The following TOPAZ1 variants were observed in gnomAD, a reference collection of about 807,000 sequenced individuals.
The protein encoded by TOPAZ1 is protein TOPAZ1.
In TOPAZ1, 66 loss-of-function variants were observed where a neutral mutation model predicts 172.2. That is an observed-to-expected ratio of 0.38 (90% confidence interval 0.31 to 0.47). The LOEUF (loss-of-function observed/expected upper bound fraction) is 0.47. TOPAZ1 is among the 20% of genes least tolerant of loss of function. TOPAZ1 has a pLI of 0.99. For missense variants in TOPAZ1, 1,822 were observed against 1,972.4 expected, an observed-to-expected ratio of 0.92 and a Z score of 1.44; for synonymous variants, 681 against 683.9, an observed-to-expected ratio of 1.00 and a Z score of 0.07.
chr3:44,247,275 T>C (rs1575704057), intron 2 of TOPAZ1, among the ~76,000 whole-genome samples: 2 of 152,270 alleles, frequency 1.3e-5, no homozygotes, highest in South Asian at 4.1e-4. Context: ...GGCAGAGAAA[T>C]CAAAGTGGAA....
In TOPAZ1 at chr3:44,242,083, G is replaced by T; in HGVS notation, c.30G>T (p.Thr10=). Residue 10 remains threonine, a synonymous_variant, in exon 1 of 20, where the codon ACG becomes ACT. Coordinates refer to ENST00000309765, the MANE Select transcript of TOPAZ1 (RefSeq NM_001145030.2). MRRPPPLGP[T]TASGPEGNVR... is the part of the protein sequence containing the mutation. ...GACGACCTCCACCCCTGGGCCCCAC[G>T]ACGGCCTCAGGGCCTGAAGGCAATG... 2.6e-5 allele frequency: 40 copies of T among 1,546,798 alleles called. No individual in the cohort carries two copies. The highest frequency in any genetic ancestry group is 3.5e-5 in the Non-Finnish European group (40 of 1,146,410).
intron 5 of TOPAZ1, among the ~76,000 whole-genome samples, chr3:44,263,167 A>AT (rs1699793386): frequency 6.6e-6 from 1 of 152,242 alleles, no homozygotes; most frequent in Non-Finnish European, 1.5e-5. Context: ...CTCAAGTTTG[A>AT]GAACTGTGTT....
Position 44,243,309 on chromosome 3 carries a change from T to C in TOPAZ1, c.803T>C (p.Leu268Pro). 1 of 1,551,540 alleles carries C rather than the reference T, an allele frequency of 6.4e-7. No individual in the cohort carries two copies. The highest frequency in any genetic ancestry group is 8.7e-7 in the Non-Finnish European group (1 of 1,146,944). The change falls in exon 2 of 20, where the codon CTT becomes CCT. Residue 268 changes from leucine (L) to proline (P), a missense_variant. Physicochemically the swap from Leu to Pro is moderately conservative, Grantham distance 98 (BLOSUM62 -3). Transcript: ENST00000309765. ...NFSKKENLRS[L>P]AEKSDTNSIP... Reference sequence around the variant, plus strand: ...TCAAAGAAAGAAAACCTTAGGAGTCTTGCAGAGAAGAGTGACACAAATAGT... The same window carrying C: ...TCAAAGAAAGAAAACCTTAGGAGTCCTGCAGAGAAGAGTGACACAAATAGT...
At chr3:44,246,655 A>G (rs28582799) in intron 2 of TOPAZ1, among the ~76,000 whole-genome samples, 1,865 of 152,306 alleles carry the variant, frequency 0.012, 32 homozygotes, top group African/African-American at 0.042. Context: ...ACTCCTAGTA[A>G]CAGAATCTGG....
At position 44,323,076 on chromosome 3, in the gene TOPAZ1, A is replaced by T. The variant is rs1559549320; in HGVS notation, c.4472-16A>T. On this transcript the variant is annotated splice_polypyrimidine_tract_variant and intron_variant, in intron 17 of 19. Coordinates refer to ENST00000309765, the MANE Select transcript of TOPAZ1 (RefSeq NM_001145030.2). ...TAATATAAATGAATTTTATTATATCATTTTTTTTATTCCAGAAACTGTGGA... is the reference window on the plus strand; with the variant it reads ...TAATATAAATGAATTTTATTATATCTTTTTTTTTATTCCAGAAACTGTGGA... 4.7e-6 allele frequency: 7 copies of T among 1,474,158 alleles called. No homozygotes were observed. Among genetic ancestry groups the T allele is most frequent in the Non-Finnish European group, 5.4e-6 (6 of 1,101,440 alleles). 91.3% of individuals were successfully genotyped at this position (1,474,158 alleles called of 1,614,324 possible). A position where few individuals can be genotyped will look rare whatever the true frequency, so the allele number is the denominator to read the frequency against.
At chr3:44,325,061 G>T (rs773668164) in intron 18 of TOPAZ1, among the ~76,000 whole-genome samples, 1 of 152,166 alleles carries the variant, frequency 6.6e-6, no homozygotes, top group Non-Finnish European at 1.5e-5. Flanking sequence ...GAATAAAAAT[G>T]AGTAATTTAC....
At chr3:44,280,031 C>A (rs1031626098) in intron 8 of TOPAZ1, among the ~76,000 whole-genome samples, 53 of 152,164 alleles carry the variant, frequency 3.5e-4, no homozygotes, top group Non-Finnish European at 5.7e-4. Context: ...TGTAGGATTC[C>A]CTTAAGTATT....
chr3:44,290,133 C>G (rs1223902794), intron 11 of TOPAZ1, among the ~76,000 whole-genome samples: 1 of 152,098 alleles, frequency 6.6e-6, no homozygotes, highest in Non-Finnish European at 1.5e-5. Flanking sequence ...AACCTTGTAT[C>G]TTCCCACGTT....
intron 12 of TOPAZ1, among the ~76,000 whole-genome samples, chr3:44,291,471 C>A (rs906631861): frequency 2.0e-5 from 3 of 151,726 alleles, no homozygotes; most frequent in Non-Finnish European, 4.4e-5. Context: ...CATGGTAGCG[C>A]GTGCCTGTAA....
At chr3:44,287,324 C>G in intron 9 of TOPAZ1, 65 bp from the exon 10 acceptor site, 1 of 934,786 alleles carries the variant, frequency 1.1e-6, no homozygotes, top group Non-Finnish European at 1.4e-6. Context: ...GAAAAATTAT[C>G]AAATTTAAGA....
intron 2 of TOPAZ1, among the ~76,000 whole-genome samples, chr3:44,252,456 G>A (rs922277501): frequency 1.3e-5 from 2 of 152,356 alleles, no homozygotes; most frequent in Middle Eastern, 3.4e-3. Context: ...CAGCCACGTG[G>A]GGGTAGTCTA....
rs9863482 is a variant in TOPAZ1 at position 44,322,072 on chromosome 3, G to T, written c.4471+881G>T. 8.0e-3 allele frequency among the ~76,000 whole-genome samples: 1,215 copies of T among 152,274 alleles called. 17 individuals are homozygous for T. The highest frequency in any genetic ancestry group is 0.028 in the African/African-American group (1,164 of 41,548). ...TCTAGGGAGTGATATAATGAAATTG[G>T]TGTTTCAGGAAAGTTCCTCTGGCAG... On this transcript the variant is annotated intron_variant, in intron 17 of 19. Coordinates refer to ENST00000309765, the MANE Select transcript of TOPAZ1 (RefSeq NM_001145030.2).
chr3:44,262,871 C>T (rs894535807), intron 5 of TOPAZ1, among the ~76,000 whole-genome samples: 4 of 152,178 alleles, frequency 2.6e-5, no homozygotes, highest in African/African-American at 9.7e-5. Flanking sequence ...CATATAAAAC[C>T]ACCACATTTG....
intron 12 of TOPAZ1, among the ~76,000 whole-genome samples, chr3:44,302,333 C>T (rs995408021): frequency 6.6e-5 from 10 of 152,096 alleles, no homozygotes; most frequent in African/African-American, 1.9e-4. Context: ...TGGCGTGAAC[C>T]CAGAAGGCGG....
At chr3:44,296,972 G>T (rs2125696339) in intron 12 of TOPAZ1, among the ~76,000 whole-genome samples, 1 of 151,344 alleles carries the variant, frequency 6.6e-6, no homozygotes, top group African/African-American at 2.4e-5. Flanking sequence ...AGGAGTTTAA[G>T]ACCAACCTGA....
chr3:44,289,214 C>T (rs1406572801), intron 11 of TOPAZ1, among the ~76,000 whole-genome samples: 1 of 152,084 alleles, frequency 6.6e-6, no homozygotes, highest in Admixed American at 6.6e-5. Flanking sequence ...AGTCAAAAGT[C>T]GTTGCAAGGT....
chr3:44,277,262 A>C (rs900167193), intron 8 of TOPAZ1, among the ~76,000 whole-genome samples: 5 of 152,084 alleles, frequency 3.3e-5, no homozygotes, highest in Non-Finnish European at 7.3e-5. Context: ...AACTTTTATA[A>C]ATGGGAATAC....
rs1038346036 is a variant in TOPAZ1 at position 44,290,824 on chromosome 3, G to T, written c.3735G>T (p.Lys1245Asn). 6.4e-7 allele frequency: 1 copy of T among 1,550,416 alleles called. No individual in the cohort carries two copies. The highest frequency in any genetic ancestry group is 1.4e-5 in the African/African-American group (1 of 72,906). The change falls in exon 12 of 20, where the codon AAG becomes AAT. Residue 1245 changes from lysine (K) to asparagine (N), a missense_variant. Physicochemically the swap from Lys to Asn is moderately conservative, Grantham distance 94. Transcript: ENST00000309765. Reference sequence around the variant, plus strand: ...CAGAGCACTTTAACTATATTGTTAAGCTTTTATACCAAGTACAAGCTTCCA... The same window carrying T: ...CAGAGCACTTTAACTATATTGTTAATCTTTTATACCAAGTACAAGCTTCCA... The part of the protein sequence containing the change: ...LDPEHFNYIV[K>N]LLYQVQASKQ...
downstream of TOPAZ1, among the ~76,000 whole-genome samples, chr3:44,334,332 C>T (rs1169577898): frequency 6.6e-6 from 1 of 152,106 alleles, no homozygotes; most frequent in Admixed American, 6.5e-5. Flanking sequence ...AAAGGGGAAA[C>T]GGCACAGTGA....
Sources: allele counts gnomAD v4.1 joint callset (sites outside exome capture counted in the v4.1 genomes callset), GRCh38; gene constraint gnomAD v4.1.1; transcripts MANE v1.5; gene names NCBI Gene and HGNC (gene_info 2026-07-23, HGNC 2026-07-21).